DNAI4: variants seen among roughly 807,000 people sequenced by gnomAD.
DNAI4 encodes the protein dynein axonemal intermediate chain 4.
Under a neutral mutation model 105.8 loss-of-function variants are expected in DNAI4, and 85 were observed. The ratio of observed to expected loss-of-function variants is 0.80; its 90% CI spans 0.67 to 0.96. The LOEUF is 0.96. DNAI4 is among the 40% of genes least tolerant of loss of function. The pLI, the probability that DNAI4 is intolerant of heterozygous loss-of-function variation, is 0.00. For missense variants in DNAI4, 1,014 were observed against 1,005.6 expected (o/e 1.01, Z -0.11); for synonymous variants, 352 against 331.5 (o/e 1.06, Z -0.67).
intron 8 of DNAI4, among the ~76,000 whole-genome samples, chr1:66,842,232 C>T (rs1646165072): frequency 6.6e-6 from 1 of 152,198 alleles, no homozygotes. Context: ...TACTGAAGGG[C>T]ATCTTGGTTG....
chr1:66,841,678 A>G (rs2100486049), intron 8 of DNAI4, among the ~76,000 whole-genome samples: 1 of 152,194 alleles, frequency 6.6e-6, no homozygotes, highest in Admixed American at 6.5e-5. Context: ...GCCAAGATCC[A>G]TCTCTTTTCT....
chr1:66,897,489 G>A (rs1648430166), intron 2 of DNAI4, among the ~76,000 whole-genome samples: 1 of 152,194 alleles, frequency 6.6e-6, no homozygotes, highest in Admixed American at 6.5e-5. Context: ...GGATCATAAA[G>A]ACAGTGGAAG....
At chr1:66,867,332 T>G (rs1170232313) in intron 6 of DNAI4, among the ~76,000 whole-genome samples, 1 of 152,212 alleles carries the variant, frequency 6.6e-6, no homozygotes, top group Non-Finnish European at 1.5e-5. Context: ...TCTTCCAACT[T>G]TTGACTTTCA....
At position 66,812,981 on chromosome 1, in the gene DNAI4, A is replaced by G. The variant is rs1364630278; in HGVS notation, c.*1149T>C. ...CAAAAACAAAGATAATCACAATGAC[A>G]TACCAGTGGAAAATTTATAATCCTA... On this transcript the variant is annotated 3_prime_UTR_variant, in exon 17 of 17. Transcript: ENST00000371026. 6.6e-6 allele frequency: 1 copy of G among 152,364 alleles called. No homozygotes were observed. The highest frequency in any genetic ancestry group is 1.5e-5 in the Non-Finnish European group (1 of 68,040). 9.4% of individuals were successfully genotyped at this position (152,364 alleles called of 1,614,324 possible).
chr1:66,834,773 C>G (rs1440067862), intron 11 of DNAI4, among the ~76,000 whole-genome samples: 2 of 152,054 alleles, frequency 1.3e-5, no homozygotes, highest in Admixed American at 1.3e-4. Context: ...AATACAAACC[C>G]TCCAATGAAA....
At chr1:66,881,817 G>A (rs915694460) in intron 4 of DNAI4, among the ~76,000 whole-genome samples, 2 of 152,154 alleles carry the variant, frequency 1.3e-5, no homozygotes. Flanking sequence ...ATATAGTTTG[G>A]CTGTGTCTCC....
intron 16 of DNAI4, among the ~76,000 whole-genome samples, chr1:66,818,089 T>C (rs976759819): frequency 6.6e-6 from 1 of 152,170 alleles, no homozygotes; most frequent in Non-Finnish European, 1.5e-5. Flanking sequence ...TTAAGGAATG[T>C]ATATATTTTT....
intron 4 of DNAI4, among the ~76,000 whole-genome samples, chr1:66,883,770 T>A (rs1483796615): frequency 1.3e-5 from 2 of 152,232 alleles, no homozygotes; most frequent in Admixed American, 6.5e-5. Context: ...TGATGGTTTA[T>A]GAATACAATG....
At chr1:66,884,230 G>T (rs1647142990) in intron 4 of DNAI4, among the ~76,000 whole-genome samples, 1 of 152,130 alleles carries the variant, frequency 6.6e-6, no homozygotes, top group South Asian at 2.1e-4. Flanking sequence ...CCATTCATCT[G>T]TTGATGAACA....
At chr1:66,917,693 G>T (rs1180962934) in intron 1 of DNAI4, among the ~76,000 whole-genome samples, 2 of 152,156 alleles carry the variant, frequency 1.3e-5, no homozygotes, top group African/African-American at 4.8e-5. Context: ...GAGCATATTT[G>T]TTTTTCACTA....
At chr1:66,917,003 C>A (rs1192923399) in intron 1 of DNAI4, among the ~76,000 whole-genome samples, 1 of 151,874 alleles carries the variant, frequency 6.6e-6, no homozygotes, top group African/African-American at 2.4e-5. Context: ...TACAAACTTT[C>A]CAAAATCAAT....
intron 13 of DNAI4, chr1:66,828,474 T>G (rs1004050254): frequency 6.6e-6 from 1 of 152,184 alleles, no homozygotes; most frequent in African/African-American, 2.4e-5. Context: ...AATGTTGCCA[T>G]TCTATTAGAT....
At chr1:66,888,412 C>G (rs554848476) in intron 4 of DNAI4, among the ~76,000 whole-genome samples, 1 of 152,150 alleles carries the variant, frequency 6.6e-6, no homozygotes, top group South Asian at 2.1e-4. Context: ...TCACCAGCAA[C>G]GGCTGGGCGT....
chr1:66,868,309 T>G lies in DNAI4; in HGVS notation c.940+3061A>C, dbSNP rs269397. Reference sequence around the variant, plus strand: ...TCATATTTTATATGACTTGGAGCAATTTAAATAACATGGTGTGATGGTTAA... The same window carrying G: ...TCATATTTTATATGACTTGGAGCAAGTTAAATAACATGGTGTGATGGTTAA... On this transcript the variant is annotated intron_variant, in intron 6 of 16. Coordinates refer to ENST00000371026, the MANE Select transcript of DNAI4 (RefSeq NM_024763.5). 8.0e-3 allele frequency among the ~76,000 whole-genome samples: 1,211 copies of G among 152,326 alleles called. 15 individuals are homozygous for G. The highest frequency in any genetic ancestry group is 0.028 in the African/African-American group (1,164 of 41,574).
chr1:66,888,121 T>C (rs1440839167), intron 4 of DNAI4, among the ~76,000 whole-genome samples: 2 of 152,068 alleles, frequency 1.3e-5, no homozygotes, highest in Non-Finnish European at 2.9e-5. Flanking sequence ...AACATGGAAA[T>C]TGGCAAATGC....
chr1:66,816,359 C>T (rs1452992446), intron 16 of DNAI4, among the ~76,000 whole-genome samples: 3 of 151,762 alleles, frequency 2.0e-5, no homozygotes, highest in Non-Finnish European at 4.4e-5. Context: ...AATCATAAGG[C>T]TTCCAAAATT....
chr1:66,819,620 G>A (rs139042862), intron 16 of DNAI4, among the ~76,000 whole-genome samples: 22 of 152,042 alleles, frequency 1.4e-4, no homozygotes, highest in East Asian at 9.7e-4. Context: ...ATAAGTGTAC[G>A]AAATACTGCA....
At chr1:66,828,874 T>A (rs1028203197) in intron 13 of DNAI4, among the ~76,000 whole-genome samples, 2 of 152,238 alleles carry the variant, frequency 1.3e-5, no homozygotes, top group African/African-American at 4.8e-5. Context: ...AGAAATCGAA[T>A]TCCTTTTTTA....
intron 4 of DNAI4, among the ~76,000 whole-genome samples, chr1:66,880,489 A>G (rs1050174064): frequency 5.3e-4 from 81 of 152,332 alleles, no homozygotes; most frequent in African/African-American, 1.9e-3. Context: ...GAACTGGAGC[A>G]AAGGTGACTC....
Sources: gnomAD v4.1 joint callset for allele counts (sites outside exome capture counted in the v4.1 genomes callset) on GRCh38, gnomAD v4.1.1 for gene constraint, MANE v1.5 for transcripts, NCBI Gene and HGNC (gene_info 2026-07-23, HGNC 2026-07-21) for gene names.